Variants in ZNF469 observed in about 807,000 individuals in gnomAD.
ZNF469 encodes the protein zinc finger protein 469.
A neutral mutation model predicts 1.0 loss-of-function variants in ZNF469; 1 was observed. The observed-to-expected ratio is 1.00, with a 90% CI of 0.35 to 4.73. The LOEUF is 4.73. Ranked by LOEUF, ZNF469 falls within the 30% of genes most tolerant of loss-of-function variation. The probability of loss-of-function intolerance (pLI) is 0.16; values close to 1 mark genes in which losing one functional copy is unlikely to be tolerated. For missense variants in ZNF469, 6,100 were observed against 5,356.3 expected (o/e 1.14, Z -4.33); for synonymous variants, 2,703 against 2,363.4 (o/e 1.14, Z -4.17).
chr16:88,217,005 G>A, the ZNF469 span, among the ~76,000 whole-genome samples: 1 of 151,966 alleles, frequency 6.6e-6, no homozygotes, highest in Non-Finnish European at 1.5e-5. Flanking sequence ...CTGAGCTATG[G>A]TTCTTGAATC....
At chr16:88,228,424 C>T in the ZNF469 span, among the ~76,000 whole-genome samples, 4 of 152,196 alleles carry the variant, frequency 2.6e-5, no homozygotes, top group South Asian at 2.1e-4. Context: ...AGGACTACTG[C>T]GGGATTCCCG....
chr16:88,302,803 C>T, the ZNF469 span, among the ~76,000 whole-genome samples: 1 of 152,198 alleles, frequency 6.6e-6, no homozygotes, highest in Admixed American at 6.5e-5. Flanking sequence ...CCTCGCCTCA[C>T]TCTCATCTAC....
In ZNF469 at chr16:88,424,418, C is replaced by A. The variant is rs918152152; in HGVS notation, c.-191-389C>A. 6.6e-6 allele frequency among the ~76,000 whole-genome samples: 1 copy of A among 152,100 alleles called. No individual in the cohort carries two copies. The highest frequency in any genetic ancestry group is 1.9e-4 in the East Asian group (1 of 5,198). ...CCAGAAGCTCCTCTAGTCTCCCCAG[C>A]GGGACTGGGGAGGGATCCTGGCAGG... On this transcript the variant is annotated intron_variant, in intron 1 of 2. Coordinates refer to ENST00000565624, the MANE Select transcript of ZNF469 (RefSeq NM_001367624.2). This position sits in a 1 kb window ranked among gnomAD's most constrained non-coding sequence, Gnocchi z 4.3.
the ZNF469 span, among the ~76,000 whole-genome samples, chr16:88,146,287 C>T: frequency 5.0e-3 from 764 of 152,308 alleles, 4 homozygotes; most frequent in African/African-American, 0.016. Flanking sequence ...ACCCTCGCTG[C>T]GGGCCACCGT....
At chr16:88,388,932 G>A (rs182814397) in intron 1 of ZNF469, among the ~76,000 whole-genome samples, 25 of 152,364 alleles carry the variant, frequency 1.6e-4, no homozygotes, top group African/African-American at 6.0e-4. Flanking sequence ...TGCCCCATCT[G>A]TAGAAGCCGG....
At chr16:88,308,197 C>T in the ZNF469 span, among the ~76,000 whole-genome samples, 11 of 152,196 alleles carry the variant, frequency 7.2e-5, no homozygotes, top group East Asian at 1.9e-4. Flanking sequence ...CATCAATCTG[C>T]GTATCTGTGT....
chr16:88,326,216 A>T, the ZNF469 span, among the ~76,000 whole-genome samples: 1 of 152,178 alleles, frequency 6.6e-6, no homozygotes, highest in African/African-American at 2.4e-5. Context: ...GGCTCTTTCC[A>T]TGCTGTTCTC....
At chr16:88,176,803 G>C in the ZNF469 span, among the ~76,000 whole-genome samples, 8 of 152,252 alleles carry the variant, frequency 5.3e-5, no homozygotes, top group East Asian at 1.9e-4. Flanking sequence ...CATCTGCTTT[G>C]CAGTAAGTTT....
chr16:88,104,447 C>A, the ZNF469 span, among the ~76,000 whole-genome samples: 1 of 152,126 alleles, frequency 6.6e-6, no homozygotes, highest in Non-Finnish European at 1.5e-5. Context: ...GACTGAAGCC[C>A]CCCAGCCTCT....
the ZNF469 span, among the ~76,000 whole-genome samples, chr16:88,211,851 A>C: frequency 3.3e-5 from 5 of 152,174 alleles, no homozygotes; most frequent in East Asian, 7.7e-4. Flanking sequence ...GCCCTGATGC[A>C]AGGGGCATGA....
At chr16:88,110,448 G>A in the ZNF469 span, among the ~76,000 whole-genome samples, 2 of 152,260 alleles carry the variant, frequency 1.3e-5, no homozygotes, top group Non-Finnish European at 2.9e-5. Flanking sequence ...AGGTGTCGCT[G>A]AGTGCCTGGT....
chr16:88,276,279 G>T, the ZNF469 span, among the ~76,000 whole-genome samples: 1 of 152,094 alleles, frequency 6.6e-6, no homozygotes, highest in Non-Finnish European at 1.5e-5. Context: ...AAGCACACTC[G>T]CTGGATATGG....
At chr16:88,112,162 GGC>G in the ZNF469 span, among the ~76,000 whole-genome samples, 1 of 151,668 alleles carries the variant, frequency 6.6e-6, no homozygotes, top group East Asian at 2.0e-4. Flanking sequence ...GTGCCGGCCA[GGC>G]GCGTTGGCTA....
At chr16:88,385,866 A>T (rs1304351168) in intron 1 of ZNF469, among the ~76,000 whole-genome samples, 1 of 152,048 alleles carries the variant, frequency 6.6e-6, no homozygotes, top group Non-Finnish European at 1.5e-5. Flanking sequence ...TGGTGTGTGG[A>T]GCACCCTGGC....
At chr16:88,373,440 G>A in the ZNF469 span, among the ~76,000 whole-genome samples, 22 of 152,170 alleles carry the variant, frequency 1.4e-4, no homozygotes, top group Non-Finnish European at 5.9e-5. Flanking sequence ...GTCCCTGTGT[G>A]GAGGCGGATG....
the ZNF469 span, among the ~76,000 whole-genome samples, chr16:88,116,234 A>G: frequency 1.3e-5 from 2 of 152,194 alleles, no homozygotes; most frequent in African/African-American, 4.8e-5. Context: ...GCTCCTTGCC[A>G]GCAGCTGTCG....
the ZNF469 span, among the ~76,000 whole-genome samples, chr16:88,113,999 A>T: frequency 2.6e-5 from 4 of 152,142 alleles, no homozygotes; most frequent in South Asian, 2.1e-4. Flanking sequence ...TGGTCCCATG[A>T]TGTCCGGCGA....
At position 88,438,026 on chromosome 16, in the gene ZNF469, C is replaced by A. The variant is rs549031654; in HGVS notation, c.10556C>A (p.Thr3519Asn). ...LHLCSEVAPS[T>N]TKGWPETLER... is the part of the protein sequence containing the mutation. Reference sequence around the variant, plus strand: ...CTGTGTTCGGAGGTGGCTCCCAGCACCACCAAGGGATGGCCCGAGACCCTA... The same window carrying A: ...CTGTGTTCGGAGGTGGCTCCCAGCAACACCAAGGGATGGCCCGAGACCCTA... The change falls in exon 3 of 3, where the codon ACC becomes AAC. Residue 3519 changes from threonine to asparagine, a missense_variant. Coordinates refer to ENST00000565624, the MANE Select transcript of ZNF469 (RefSeq NM_001367624.2). The A allele has an allele frequency of 5.2e-6, 8 of 1,550,088 alleles. No individual in the cohort carries two copies. The highest frequency in any genetic ancestry group is 4.1e-5 in the African/African-American group (3 of 73,170).
At position 88,430,167 on chromosome 16, in the gene ZNF469, C is replaced by T. The variant is rs1264161157; in HGVS notation, c.2697C>T (p.Pro899=). ...AGVTPESKAP[P]PLPAATPDPQ... ...TGACTCCAGAGAGCAAAGCTCCGCC[C>T]CCGCTCCCAGCAGCCACGCCGGACC... The change falls in exon 3 of 3, where the codon CCC becomes CCT. Residue 899 remains proline (P), a synonymous_variant. Coordinates refer to ENST00000565624, the MANE Select transcript of ZNF469 (RefSeq NM_001367624.2). The T allele has an allele frequency of 6.5e-7, 1 of 1,548,918 alleles. No individual in the cohort carries two copies. The highest frequency in any genetic ancestry group is 1.4e-5 in the African/African-American group (1 of 73,032).
Sources: gnomAD v4.1 joint callset for allele counts (sites outside exome capture counted in the v4.1 genomes callset) on GRCh38, gnomAD v4.1.1 for gene constraint, Gnocchi (gnomAD v3.1) non-coding constraint, MANE v1.5 for transcripts, NCBI Gene and HGNC (gene_info 2026-07-23, HGNC 2026-07-21) for gene names.